Variants in SLC17A6 observed in about 807,000 individuals in gnomAD.
The protein encoded by SLC17A6 is vesicular glutamate transporter 2.
In SLC17A6, 35 loss-of-function variants were observed where a neutral mutation model predicts 67.1. That is an observed-to-expected ratio of 0.52 (90% CI 0.40 to 0.69). The LOEUF (loss-of-function observed/expected upper bound fraction) is 0.69, where lower values mean the gene tolerates loss of function less well. Among genes scored for constraint, SLC17A6 ranks in the 30% least tolerant of loss-of-function variants. SLC17A6 has a pLI of 0.00. For synonymous variants in SLC17A6, 285 were observed against 252.3 expected, an observed-to-expected ratio of 1.13 and a Z score of -1.23; for missense variants, 588 against 723.9, an observed-to-expected ratio of 0.81 and a Z score of 2.15.
At chr11:22,371,351 C>A (rs1856172861) in intron 8 of SLC17A6, among the ~76,000 whole-genome samples, 1 of 151,980 alleles carries the variant, frequency 6.6e-6, no homozygotes, top group Non-Finnish European at 1.5e-5. Context: ...CTGAAGAAAA[C>A]CTCAGTTTAG....
intron 1 of SLC17A6, among the ~76,000 whole-genome samples, 163 bp from the exon 2 acceptor site, chr11:22,341,363 GGA>G (rs1855813455): frequency 6.6e-6 from 1 of 152,166 alleles, no homozygotes; most frequent in Non-Finnish European, 1.5e-5. Flanking sequence ...AGAGAGCCTG[GGA>G]GGTCTTGCAG....
At position 22,339,187 on chromosome 11, in the gene SLC17A6, A is replaced by ATATATGTTT. The variant is rs1444702372; in HGVS notation, c.86+573_86+574insGTTTTATAT. Among the ~76,000 whole-genome samples, 11 of 87,388 alleles carry ATATATGTTT rather than the reference A, an allele frequency of 1.3e-4. 3 individuals are homozygous for ATATATGTTT. The highest frequency in any genetic ancestry group is 3.7e-4 in the African/African-American group (10 of 27,034). The allele number at this position is 87,388 out of a possible 152,430, so 57.3% of individuals were successfully genotyped here. A position where few individuals can be genotyped will look rare whatever the true frequency, so the allele number is the denominator to read the frequency against. ...TATGTTATATATATATGTTTTATATATATATATATATATATATGTTAGAGA... is the reference window on the plus strand; with the variant it reads ...TATGTTATATATATATGTTTTATATATATATGTTTTATATATATATATATATGTTAGAGA... On this transcript the variant is annotated intron_variant, in intron 1 of 11. Coordinates refer to ENST00000263160, the MANE Select transcript of SLC17A6 (RefSeq NM_020346.3).
intron 3 of SLC17A6, among the ~76,000 whole-genome samples, chr11:22,351,253 C>T (rs1348945): frequency 0.01 from 1,571 of 152,156 alleles, 25 homozygotes; most frequent in African/African-American, 0.036. Flanking sequence ...TATTATATTT[C>T]AGATTCAAGG....
chr11:22,342,346 C>T (rs1209965452), intron 2 of SLC17A6, among the ~76,000 whole-genome samples: 2 of 152,080 alleles, frequency 1.3e-5, no homozygotes, highest in Non-Finnish European at 2.9e-5. Context: ...GTCACAGAAC[C>T]CCTGGGTCCA....
chr11:22,338,847 GT>G, intron 1 of SLC17A6, among the ~76,000 whole-genome samples: 1 of 148,940 alleles, frequency 6.7e-6, no homozygotes, highest in Non-Finnish European at 1.5e-5. Context: ...GTGTGTGTGT[GT>G]GTGTTTGATT....
Position 22,341,572 on chromosome 11 carries a change from C to G in SLC17A6, c.131C>G (p.Thr44Arg), listed in dbSNP as rs762636160. The part of the protein sequence containing the change: ...KQDTGETIEL[T>R]EDGKPLEVPE... ...GACACCGGGGAGACAATCGAGCTGA[C>G]GGAGGATGGGAAGCCCCTAGAGGTG... The change falls in exon 2 of 12, where the codon ACG becomes AGG. Residue 44 changes from threonine to arginine, a missense_variant. Physicochemically the swap from Thr to Arg is moderately conservative, Grantham distance 71. Transcript: ENST00000263160. 3.7e-6 allele frequency: 6 copies of G among 1,613,998 alleles called. No homozygotes were observed. Among genetic ancestry groups the G allele is most frequent in the Non-Finnish European group, 5.1e-6 (6 of 1,180,034 alleles).
At chr11:22,354,081 T>C (rs184711275) in intron 3 of SLC17A6, among the ~76,000 whole-genome samples, 158 of 147,712 alleles carry the variant, frequency 1.1e-3, no homozygotes, top group African/African-American at 3.5e-3. Flanking sequence ...AATTTATATT[T>C]TTTTTCTTCT....
intron 4 of SLC17A6, among the ~76,000 whole-genome samples, chr11:22,360,519 C>A (rs945441179): frequency 7.1e-6 from 1 of 140,024 alleles, no homozygotes; most frequent in Non-Finnish European, 1.6e-5. Context: ...AAAAAACCCG[C>A]TCTCCTTCCC....
chr11:22,364,168 C>G (rs141391596), intron 6 of SLC17A6, among the ~76,000 whole-genome samples: 2 of 151,902 alleles, frequency 1.3e-5, no homozygotes, highest in Non-Finnish European at 2.9e-5. Flanking sequence ...ATTCAGTTTT[C>G]GCATTTTAAA....
intron 7 of SLC17A6, among the ~76,000 whole-genome samples, chr11:22,366,367 G>T (rs992911745): frequency 6.6e-6 from 1 of 152,026 alleles, no homozygotes; most frequent in East Asian, 1.9e-4. Context: ...TATTCTAAAT[G>T]TAAGTTTAAT....
rs3047441 is a variant in SLC17A6, at chr11:22,338,812, GGTGTGTGT to G, written c.86+226_86+233del. On this transcript the variant is annotated intron_variant, in intron 1 of 11. Transcript: ENST00000263160. Reference sequence around the variant, plus strand: ...AATGTTGCACTAAATGAACCTGTCTGGTGTGTGTGTGTGTGTGTGTGTGTGTGTGTGTG... The same window carrying G: ...AATGTTGCACTAAATGAACCTGTCTGGTGTGTGTGTGTGTGTGTGTGTGTG... Among the ~76,000 whole-genome samples the G allele has an allele frequency of 0.019, 2,541 of 136,318 alleles. 120 individuals are homozygous for G. The East Asian group carries it at 0.19, about 10-fold the overall frequency. 89.4% of individuals were successfully genotyped at this position (136,318 alleles called of 152,430 possible).
At chr11:22,345,514 C>T (rs1413092433) in intron 3 of SLC17A6, among the ~76,000 whole-genome samples, 1 of 151,962 alleles carries the variant, frequency 6.6e-6, no homozygotes, top group Non-Finnish European at 1.5e-5. Context: ...TTTGGAATTC[C>T]TATTTGGATC....
At chr11:22,359,950 C>T (rs1273516770) in intron 4 of SLC17A6, among the ~76,000 whole-genome samples, 1 of 152,066 alleles carries the variant, frequency 6.6e-6, no homozygotes, top group Admixed American at 6.5e-5. Flanking sequence ...TCATCGAATG[C>T]ATTTTTGAGG....
chr11:22,343,256 T>C lies in SLC17A6; in HGVS notation c.349T>C (p.Phe117Leu), dbSNP rs766769986. 6.2e-7 allele frequency: 1 copy of C among 1,613,748 alleles called. No individual in the cohort carries two copies. The highest frequency in any genetic ancestry group is 1.1e-5 in the South Asian group (1 of 91,012). The change falls in exon 3 of 12, where the codon TTC (phenylalanine) becomes CTC (leucine). Residue 117 changes from phenylalanine (F) to leucine (L), a missense_variant. Around this residue, in one of 4 missense-constraint regions of SLC17A6, gnomAD observed 48 missense variants for 36.5 expected, o/e 1.32. Transcript: ENST00000263160. ...GGKVIKEKAK[F>L]NWDPETVGMI... ...TCCTACCCCTCCATAGAAAGCCAAA[T>C]TCAACTGGGACCCGGAAACCGTGGG...
intron 1 of SLC17A6, 108 bp downstream of exon 1, chr11:22,338,727 T>C (rs764917215): frequency 2.1e-5 from 17 of 810,758 alleles, no homozygotes; most frequent in Non-Finnish European, 2.9e-5. Flanking sequence ...GATCGGAAAG[T>C]CTTTTTGTTG....
chr11:22,339,300 C>G (rs1855785578), intron 1 of SLC17A6, among the ~76,000 whole-genome samples: 1 of 150,314 alleles, frequency 6.7e-6, no homozygotes, highest in African/African-American at 2.4e-5. Context: ...GAAGAAGAAT[C>G]AAAATATATC....
At chr11:22,339,430 C>T (rs991232746) in intron 1 of SLC17A6, among the ~76,000 whole-genome samples, 3 of 151,684 alleles carry the variant, frequency 2.0e-5, no homozygotes, top group Non-Finnish European at 1.5e-5. Flanking sequence ...CCTGGAAGAA[C>T]AGCCATAAAT....
At chr11:22,352,546 G>T (rs1424290628) in intron 3 of SLC17A6, among the ~76,000 whole-genome samples, 1 of 152,156 alleles carries the variant, frequency 6.6e-6, no homozygotes, top group African/African-American at 2.4e-5. Context: ...AAAAGAATTG[G>T]ATGCTCATTC....
intron 3 of SLC17A6, 107 bp from the exon 4 acceptor site, chr11:22,359,305 TG>T: frequency 1.8e-6 from 1 of 559,458 alleles, no homozygotes; most frequent in Non-Finnish European, 2.8e-6. Flanking sequence ...TTAAAATTAT[TG>T]GCGATTTTTT....
Sources: allele counts gnomAD v4.1 joint callset (sites outside exome capture counted in the v4.1 genomes callset), GRCh38; gene constraint gnomAD v4.1.1; regional missense constraint gnomAD v4.1.1; transcripts MANE v1.5; gene names NCBI Gene and HGNC (gene_info 2026-07-23, HGNC 2026-07-21).